NOL4: variants seen among roughly 807,000 people sequenced by gnomAD.
The protein encoded by NOL4 is cancer/testis antigen 125.
A neutral mutation model predicts 75.9 loss-of-function variants in NOL4; 17 were observed. The ratio of observed to expected loss-of-function variants is 0.22; its 90% CI spans 0.15 to 0.34. The LOEUF is 0.34. Ranked by LOEUF, NOL4 falls within the 10% of genes least tolerant of loss-of-function variation. The probability of loss-of-function intolerance (pLI) is 1.00; values close to 1 mark genes in which losing one functional copy is unlikely to be tolerated. For synonymous variants in NOL4, 292 were observed against 289.9 expected (o/e 1.01, Z -0.07); for missense variants, 614 against 793.5 (o/e 0.77, Z 2.72).
intron 2 of NOL4, among the ~76,000 whole-genome samples, chr18:34,122,822 AT>A (rs201716964): frequency 1.3e-5 from 2 of 150,880 alleles, no homozygotes; most frequent in Non-Finnish European, 3.0e-5. Flanking sequence ...TGGTCATTTT[AT>A]TTTTTTTTAC....
chr18:33,973,220 A>T (rs191927377), intron 6 of NOL4, among the ~76,000 whole-genome samples: 255 of 152,340 alleles, frequency 1.7e-3, no homozygotes, highest in African/African-American at 5.6e-3. Flanking sequence ...TGCTATCTTA[A>T]GAAACTACTT....
chr18:34,179,652 C>T (rs2146321317), intron 1 of NOL4, among the ~76,000 whole-genome samples: 1 of 151,624 alleles, frequency 6.6e-6, no homozygotes, highest in African/African-American at 2.4e-5. Flanking sequence ...ACTAACAAAA[C>T]TAATTGCTAT....
intron 5 of NOL4, among the ~76,000 whole-genome samples, chr18:34,023,793 C>T (rs1181432931): frequency 6.6e-6 from 1 of 152,012 alleles, no homozygotes; most frequent in Admixed American, 6.6e-5. Context: ...AATTATTGTG[C>T]TATCTCTGCG....
At chr18:34,064,243 G>A (rs191447286) in intron 5 of NOL4, among the ~76,000 whole-genome samples, 1 of 151,928 alleles carries the variant, frequency 6.6e-6, no homozygotes, top group Non-Finnish European at 1.5e-5. Context: ...CCTTAGCCAA[G>A]TTTTCTTATT....
chr18:34,110,078 G>T (rs2079511879), intron 2 of NOL4, among the ~76,000 whole-genome samples: 1 of 108,392 alleles, frequency 9.2e-6, no homozygotes, highest in Non-Finnish European at 1.8e-5. Flanking sequence ...AACATTCCAA[G>T]AAGAATTAAC....
At chr18:34,112,642 T>C (rs936102992) in intron 2 of NOL4, among the ~76,000 whole-genome samples, 49 of 151,996 alleles carry the variant, frequency 3.2e-4, no homozygotes, top group African/African-American at 9.9e-4. Context: ...TAAGTGGAAA[T>C]TGAAAAAGTC....
intron 1 of NOL4, among the ~76,000 whole-genome samples, chr18:34,159,884 C>T (rs2031173163): frequency 6.6e-6 from 1 of 152,114 alleles, no homozygotes; most frequent in Non-Finnish European, 1.5e-5. Flanking sequence ...CTGTAGGCCT[C>T]TCAGCGGGAG....
At chr18:34,110,206 C>T (rs992224405) in intron 2 of NOL4, among the ~76,000 whole-genome samples, 1 of 144,596 alleles carries the variant, frequency 6.9e-6, no homozygotes, top group Non-Finnish European at 1.5e-5. Context: ...GTCAGCATTA[C>T]CTTGATACCA....
chr18:33,861,110 C>T (rs1488396389), intron 10 of NOL4, among the ~76,000 whole-genome samples: 1 of 152,020 alleles, frequency 6.6e-6, no homozygotes, highest in Non-Finnish European at 1.5e-5. Context: ...TTGGTTGTGT[C>T]TCTGCCCGGC....
intron 6 of NOL4, among the ~76,000 whole-genome samples, chr18:33,965,230 A>G (rs2070481573): frequency 6.6e-6 from 1 of 152,178 alleles, no homozygotes; most frequent in Non-Finnish European, 1.5e-5. Flanking sequence ...ATCCCAGAAC[A>G]TTGGGAAGTC....
intron 1 of NOL4, among the ~76,000 whole-genome samples, chr18:34,164,705 T>G (rs568651573): frequency 6.7e-4 from 101 of 151,748 alleles, no homozygotes; most frequent in African/African-American, 2.3e-3. Context: ...GATCTTGAAC[T>G]AGAAATACCA....
rs189574774 is a variant in NOL4 at position 34,172,222 on chromosome 18, C to G, written c.265-42202G>C. 1.2e-3 allele frequency among the ~76,000 whole-genome samples: 184 copies of G among 152,100 alleles called. 3 individuals carry two copies. The highest frequency in any genetic ancestry group is 8.8e-5 in the Non-Finnish European group (6 of 67,924). On this transcript the variant is annotated intron_variant, in intron 1 of 10. Coordinates refer to ENST00000261592, the MANE Select transcript of NOL4 (RefSeq NM_003787.5). ...TGCAGCATTATTTAAAGCAAATGAA[C>G]TAAATATTTTTGGATAACTACATCA...
intron 6 of NOL4, among the ~76,000 whole-genome samples, chr18:33,999,807 A>C (rs937176255): frequency 6.6e-6 from 1 of 152,026 alleles, no homozygotes; most frequent in African/African-American, 2.4e-5. Context: ...ATGTACCACT[A>C]TGCCCAGCTA....
chr18:33,984,992 C>T (rs3898625), intron 6 of NOL4, among the ~76,000 whole-genome samples: 23,259 of 151,788 alleles, frequency 0.15, 2,175 homozygotes, highest in East Asian at 0.39. Flanking sequence ...TGACCTTGGA[C>T]GATTTATTTT....
chr18:34,170,362 A>AT (rs1393613111), intron 1 of NOL4, among the ~76,000 whole-genome samples: 1 of 150,788 alleles, frequency 6.6e-6, no homozygotes, highest in African/African-American at 2.4e-5. Context: ...ATTTTATTTT[A>AT]TTTTTTTTAG....
chr18:33,861,219 C>T (rs1430055747), intron 10 of NOL4, among the ~76,000 whole-genome samples: 2 of 152,110 alleles, frequency 1.3e-5, no homozygotes, highest in Non-Finnish European at 2.9e-5. Context: ...GTACCAGTTC[C>T]TCCTTGTACC....
chr18:33,892,973 T>C (rs2065186515), intron 9 of NOL4, among the ~76,000 whole-genome samples: 1 of 152,078 alleles, frequency 6.6e-6, no homozygotes, highest in Admixed American at 6.6e-5. Flanking sequence ...AGAAAATAAT[T>C]TTATATCCTA....
chr18:33,972,250 T>C (rs972136319), intron 6 of NOL4, among the ~76,000 whole-genome samples: 2 of 150,726 alleles, frequency 1.3e-5, no homozygotes, highest in African/African-American at 2.4e-5. Flanking sequence ...TAAAAGTAAA[T>C]GTATAAAAAT....
At chr18:33,868,873 AT>A (rs1162691819) in intron 10 of NOL4, among the ~76,000 whole-genome samples, 1 of 152,082 alleles carries the variant, frequency 6.6e-6, no homozygotes, top group Non-Finnish European at 1.5e-5. Flanking sequence ...GCTGTTAAGG[AT>A]ACTATAATAT....
Sources: allele counts gnomAD v4.1 joint callset (sites outside exome capture counted in the v4.1 genomes callset), GRCh38; gene constraint gnomAD v4.1.1; transcripts MANE v1.5; gene names NCBI Gene and HGNC (gene_info 2026-07-23, HGNC 2026-07-21).